Variants in KIAA1328 observed in about 807,000 individuals in gnomAD.
KIAA1328 encodes protein hinderin.
In KIAA1328, 52 loss-of-function variants were observed where a neutral mutation model predicts 68.1. That is an observed-to-expected ratio of 0.76 (90% CI 0.61 to 0.96). The LOEUF (loss-of-function observed/expected upper bound fraction) is 0.96. Ranked by LOEUF, KIAA1328 falls within the 40% of genes least tolerant of loss-of-function variation. The probability of loss-of-function intolerance (pLI) is 0.00; values close to 1 mark genes in which losing one functional copy is unlikely to be tolerated. For synonymous variants in KIAA1328, 232 were observed against 239.4 expected, an observed-to-expected ratio of 0.97 and a Z score of 0.28; for missense variants, 641 against 677.6, an observed-to-expected ratio of 0.95 and a Z score of 0.60.
intron 4 of KIAA1328, among the ~76,000 whole-genome samples, chr18:36,846,957 C>T (rs1284772110): frequency 6.6e-6 from 1 of 151,442 alleles, no homozygotes; most frequent in African/African-American, 2.4e-5. Flanking sequence ...CCTCTTGCCC[C>T]TAGTAATCAC....
chr18:36,830,512 G>A (rs1165880885), intron 1 of KIAA1328, among the ~76,000 whole-genome samples: 1 of 152,164 alleles, frequency 6.6e-6, no homozygotes, highest in Non-Finnish European at 1.5e-5. Flanking sequence ...TTTTGTGATG[G>A]AGGAGATACT....
At chr18:37,095,697 C>A (rs2057384713) in intron 7 of KIAA1328, among the ~76,000 whole-genome samples, 1 of 151,572 alleles carries the variant, frequency 6.6e-6, no homozygotes, top group African/African-American at 2.4e-5. Flanking sequence ...TACATAGGGC[C>A]AATGAAATAA....
intron 7 of KIAA1328, among the ~76,000 whole-genome samples, chr18:37,115,945 A>G (rs934840680): frequency 5.9e-5 from 9 of 152,176 alleles, no homozygotes; most frequent in African/African-American, 1.9e-4. Context: ...TAGGAATCCA[A>G]CTTACAAGGG....
intron 1 of KIAA1328, chr18:36,833,183 G>T (rs1250298675): frequency 6.6e-6 from 1 of 152,150 alleles, no homozygotes; most frequent in Non-Finnish European, 1.5e-5. Context: ...AAATAAAGCA[G>T]GAAAGAGGCA....
intron 5 of KIAA1328, among the ~76,000 whole-genome samples, chr18:36,944,504 G>A (rs976220855): frequency 1.3e-5 from 2 of 152,064 alleles, no homozygotes; most frequent in East Asian, 1.9e-4. Context: ...GCGTGAACCC[G>A]GGAGGCGGAG....
chr18:36,989,764 G>A (rs991042430), intron 6 of KIAA1328, among the ~76,000 whole-genome samples: 4 of 151,846 alleles, frequency 2.6e-5, no homozygotes, highest in Admixed American at 2.0e-4. Flanking sequence ...GCACGATCTC[G>A]GCTCACTTCA....
At chr18:36,868,260 G>A (rs2047823831) in intron 4 of KIAA1328, among the ~76,000 whole-genome samples, 1 of 152,164 alleles carries the variant, frequency 6.6e-6, no homozygotes, top group South Asian at 2.1e-4. Context: ...TTTCCCTGAG[G>A]TGTCCAGAAT....
intron 1 of KIAA1328, chr18:36,833,224 AAG>A (rs373768650): frequency 1.3e-5 from 2 of 152,194 alleles, no homozygotes; most frequent in African/African-American, 4.8e-5. Context: ...AGGTTGTGGG[AAG>A]AGAGAGTTTT....
In KIAA1328 at chr18:37,223,478, A is replaced by G. The variant is rs1235969426; in HGVS notation, c.*1251A>G. The G allele has an allele frequency of 1.7e-5, 17 of 985,440 alleles. No homozygotes were observed. Among genetic ancestry groups the G allele is most frequent in the Non-Finnish European group, 1.9e-5 (16 of 829,968 alleles). The allele number at this position is 985,440 out of a possible 1,614,324, so 61.0% of individuals were successfully genotyped here. On this transcript the variant is annotated 3_prime_UTR_variant, in exon 10 of 10. Coordinates refer to ENST00000280020, the MANE Select transcript of KIAA1328 (RefSeq NM_020776.3). Reference sequence around the variant, plus strand: ...ATGATCCTGGTTTAGCCAGAGTTCAAAACTCTCCAGTCATTGAAAGCAAGG... The same window carrying G: ...ATGATCCTGGTTTAGCCAGAGTTCAGAACTCTCCAGTCATTGAAAGCAAGG...
chr18:37,040,408 A>C (rs1048096140), intron 6 of KIAA1328, among the ~76,000 whole-genome samples: 3 of 152,170 alleles, frequency 2.0e-5, no homozygotes, highest in African/African-American at 7.2e-5. Flanking sequence ...TAAGGTCAGC[A>C]GTCTGACTTT....
At chr18:37,151,077 A>G (rs1300157447) in intron 7 of KIAA1328, among the ~76,000 whole-genome samples, 1 of 152,218 alleles carries the variant, frequency 6.6e-6, no homozygotes, top group Non-Finnish European at 1.5e-5. Flanking sequence ...ACTAGAATTA[A>G]GTGAATTTAA....
intron 7 of KIAA1328, among the ~76,000 whole-genome samples, chr18:37,116,106 A>G (rs185029643): frequency 3.9e-5 from 6 of 152,002 alleles, no homozygotes; most frequent in African/African-American, 1.5e-4. Context: ...TATAGATTCA[A>G]TGCCATCCCC....
chr18:37,109,434 G>A (rs1362007818), intron 7 of KIAA1328, among the ~76,000 whole-genome samples: 1 of 152,076 alleles, frequency 6.6e-6, no homozygotes, highest in Non-Finnish European at 1.5e-5. Flanking sequence ...ATAACTACAT[G>A]TTTTTGTCTC....
At chr18:36,857,752 G>T (rs1306672666) in intron 4 of KIAA1328, among the ~76,000 whole-genome samples, 2 of 152,150 alleles carry the variant, frequency 1.3e-5, no homozygotes, top group Non-Finnish European at 2.9e-5. Context: ...CCCCTACTCT[G>T]CTATGTTTTG....
At chr18:36,863,295 ATTTG>A (rs2047629916) in intron 4 of KIAA1328, among the ~76,000 whole-genome samples, 1 of 150,822 alleles carries the variant, frequency 6.6e-6, no homozygotes, top group African/African-American at 2.4e-5. Context: ...TTCTAGCACC[ATTTG>A]TTGAAATCTT....
chr18:37,006,537 T>C (rs1419294783), intron 6 of KIAA1328, among the ~76,000 whole-genome samples: 1 of 152,120 alleles, frequency 6.6e-6, no homozygotes, highest in African/African-American at 2.4e-5. Context: ...CTTTTTTTTA[T>C]TATTATACTT....
intron 4 of KIAA1328, among the ~76,000 whole-genome samples, chr18:36,884,081 A>G (rs2048415585): frequency 6.6e-6 from 1 of 151,922 alleles, no homozygotes; most frequent in Non-Finnish European, 1.5e-5. Context: ...AGTAAGATTA[A>G]TAATGCCCAG....
intron 8 of KIAA1328, among the ~76,000 whole-genome samples, chr18:37,170,499 A>T (rs150347036): frequency 6.6e-6 from 1 of 152,320 alleles, no homozygotes; most frequent in East Asian, 1.9e-4. Flanking sequence ...TGACTAAATG[A>T]AATATTTAGC....
intron 7 of KIAA1328, among the ~76,000 whole-genome samples, chr18:37,114,988 C>T (rs756890637): frequency 6.6e-6 from 1 of 152,114 alleles, no homozygotes; most frequent in Non-Finnish European, 1.5e-5. Flanking sequence ...CCTGAATAGA[C>T]CAGTAACAGG....
Sources: allele counts gnomAD v4.1 joint callset (sites outside exome capture counted in the v4.1 genomes callset), GRCh38; gene constraint gnomAD v4.1.1; transcripts MANE v1.5; gene names NCBI Gene and HGNC (gene_info 2026-07-23, HGNC 2026-07-21).